Variants in SNRPD3 observed in about 807,000 individuals in gnomAD.
SNRPD3 encodes small nuclear ribonucleoprotein Sm D3.
For missense variants in SNRPD3, 73 were observed against 167.5 expected, an observed-to-expected ratio of 0.44 and a Z score of 3.11; for synonymous variants, 66 against 58.4, an observed-to-expected ratio of 1.13 and a Z score of -0.59.
intron 3 of SNRPD3, among the ~76,000 whole-genome samples, chr22:24,570,763 TATC>T (rs2060077168): frequency 6.6e-6 from 1 of 152,154 alleles, no homozygotes; most frequent in Non-Finnish European, 1.5e-5. Context: ...ACAGCAGTCT[TATC>T]ATGCTATTTA....
rs917624118 is a variant in SNRPD3 at position 24,573,791 on chromosome 22, C to T, written c.*1814C>T. ...AGCTATCCTGGAGGTTGAGGCAGGA[C>T]GACCACATGAGCCCAGGAGATTAAG... On this transcript the variant is annotated 3_prime_UTR_variant, in exon 4 of 4. Transcript: ENST00000215829. 9.2e-5 allele frequency among the ~76,000 whole-genome samples: 14 copies of T among 152,082 alleles called. No individual in the cohort carries two copies. Among genetic ancestry groups the T allele is most frequent in the African/African-American group, 3.1e-4 (13 of 41,396 alleles).
At chr22:24,561,321 G>T (rs2045141285) in intron 2 of SNRPD3, among the ~76,000 whole-genome samples, 1 of 151,812 alleles carries the variant, frequency 6.6e-6, no homozygotes, top group African/African-American at 2.4e-5. Flanking sequence ...TGATCCTGCT[G>T]CCTCAGTCTC....
chr22:24,564,760 G>A (rs141239414), intron 2 of SNRPD3, among the ~76,000 whole-genome samples: 31 of 152,276 alleles, frequency 2.0e-4, no homozygotes, highest in African/African-American at 6.3e-4. Flanking sequence ...GCTGGAGGGA[G>A]TGTGGCTTAG....
chr22:24,567,944 C>A, intron 2 of SNRPD3, 40 bp from the exon 3 acceptor site: 3 of 1,510,858 alleles, frequency 2.0e-6, no homozygotes, highest in South Asian at 1.2e-5. Flanking sequence ...ACCGCTGGTG[C>A]TGTTGACCGT....
intron 2 of SNRPD3, among the ~76,000 whole-genome samples, chr22:24,560,268 C>T (rs1439446521): frequency 6.9e-6 from 1 of 145,052 alleles, no homozygotes; most frequent in Non-Finnish European, 1.5e-5. Context: ...AGGCATCTGC[C>T]ACCATGCCCA....
At position 24,573,207 on chromosome 22, in the gene SNRPD3, A is replaced by C. The variant is rs1486153217; in HGVS notation, c.*1230A>C. Reference sequence around the variant, plus strand: ...CAAAAGAGCAAGACTTTGTCTTTAAAGAAAAATAAGTAGTAGTAAAGAGTA... The same window carrying C: ...CAAAAGAGCAAGACTTTGTCTTTAACGAAAAATAAGTAGTAGTAAAGAGTA... On this transcript the variant is annotated 3_prime_UTR_variant, in exon 4 of 4. Coordinates refer to ENST00000215829, the MANE Select transcript of SNRPD3 (RefSeq NM_004175.5). Among the ~76,000 whole-genome samples, 1 of 152,064 alleles carries C rather than the reference A, an allele frequency of 6.6e-6. No homozygotes were observed. Among genetic ancestry groups the C allele is most frequent in the African/African-American group, 2.4e-5 (1 of 41,394 alleles).
intron 3 of SNRPD3, among the ~76,000 whole-genome samples, chr22:24,569,589 C>A: frequency 6.6e-6 from 1 of 152,162 alleles, no homozygotes; most frequent in East Asian, 1.9e-4. Context: ...ACACTATCTA[C>A]CTGGAGATAG....
rs530413068 is a variant in SNRPD3 at position 24,560,666 on chromosome 22, C to T, written c.126+2866C>T. Among the ~76,000 whole-genome samples the T allele has an allele frequency of 2.8e-3, 414 of 145,472 alleles. 3 individuals carry two copies. The highest frequency in any genetic ancestry group is 0.01 in the African/African-American group (397 of 38,848). ...GCTGGTCTCAAACTCCTGAGTTTGCCTCAGCCTCCCAAGTGCTAGGATTAC... is the reference window on the plus strand; with the variant it reads ...GCTGGTCTCAAACTCCTGAGTTTGCTTCAGCCTCCCAAGTGCTAGGATTAC... On this transcript the variant is annotated intron_variant, in intron 2 of 3. Transcript: ENST00000215829.
chr22:24,563,238 GTGTGTA>G (rs1157279349), intron 2 of SNRPD3, among the ~76,000 whole-genome samples: 14 of 132,342 alleles, frequency 1.1e-4, no homozygotes, highest in African/African-American at 4.2e-4. Flanking sequence ...GTGTGTGTGT[GTGTGTA>G]TGTGTGTATG....
Position 24,574,092 on chromosome 22 carries a change from C to A in SNRPD3, c.*2115C>A, listed in dbSNP as rs2045270037. ...TACTAGTATGTTATTTTAGTATAATCATTACTGAATTCATCATACTTTTAC... is the reference window on the plus strand; with the variant it reads ...TACTAGTATGTTATTTTAGTATAATAATTACTGAATTCATCATACTTTTAC... On this transcript the variant is annotated 3_prime_UTR_variant, in exon 4 of 4. Coordinates refer to ENST00000215829, the MANE Select transcript of SNRPD3 (RefSeq NM_004175.5). Among the ~76,000 whole-genome samples, 1 of 152,196 alleles carries A rather than the reference C, an allele frequency of 6.6e-6. No individual in the cohort carries two copies. Among genetic ancestry groups the A allele is most frequent in the African/African-American group, 2.4e-5 (1 of 41,438 alleles).
At chr22:24,570,202 C>T (rs1377929419) in intron 3 of SNRPD3, among the ~76,000 whole-genome samples, 1 of 152,228 alleles carries the variant, frequency 6.6e-6, no homozygotes, top group East Asian at 1.9e-4. Flanking sequence ...TCTTATGACC[C>T]ACAATCAGAT....
chr22:24,571,857 G>C (rs1211584262), intron 3 of SNRPD3, 59 bp from the exon 4 acceptor site: 4 of 1,587,996 alleles, frequency 2.5e-6, no homozygotes, highest in East Asian at 2.2e-5. Flanking sequence ...TGGCTACTCT[G>C]TGCTATGAGC....
Position 24,573,489 on chromosome 22 carries a change from A to G in SNRPD3, c.*1512A>G, listed in dbSNP as rs903369697. Among the ~76,000 whole-genome samples, 8 of 152,256 alleles carry G rather than the reference A, an allele frequency of 5.3e-5. No homozygotes were observed. The highest frequency in any genetic ancestry group is 1.3e-4 in the Admixed American group (2 of 15,286). On this transcript the variant is annotated 3_prime_UTR_variant, in exon 4 of 4. Coordinates refer to ENST00000215829, the MANE Select transcript of SNRPD3 (RefSeq NM_004175.5). ...TGGCATCAATTAATGAGGTTCTAAT[A>G]AGCTTTGTCTTATGATACTACCTGG...
chr22:24,567,848 G>A (rs1044757726), intron 2 of SNRPD3, 136 bp from the exon 3 acceptor site: 7 of 654,260 alleles, frequency 1.1e-5, no homozygotes, highest in East Asian at 2.7e-5. Context: ...AGTTAGTACC[G>A]ATGATTGCTG....
chr22:24,560,325 T>C (rs372361433), intron 2 of SNRPD3, among the ~76,000 whole-genome samples: 1 of 151,568 alleles, frequency 6.6e-6, no homozygotes, highest in Non-Finnish European at 1.5e-5. Context: ...GGTTTCACCA[T>C]ATTGGCCAGG....
At chr22:24,562,275 C>T (rs1458335759) in intron 2 of SNRPD3, among the ~76,000 whole-genome samples, 1 of 152,220 alleles carries the variant, frequency 6.6e-6, no homozygotes, top group East Asian at 1.9e-4. Flanking sequence ...GGCACTGTGG[C>T]TCACGCCTGT....
At chr22:24,561,187 C>T (rs1381737852) in intron 2 of SNRPD3, among the ~76,000 whole-genome samples, 1 of 149,410 alleles carries the variant, frequency 6.7e-6, no homozygotes, top group African/African-American at 2.5e-5. Context: ...ATCTTTTCAC[C>T]TCAGTCTTCT....
intron 1 of SNRPD3, among the ~76,000 whole-genome samples, chr22:24,557,155 T>A (rs183392449): frequency 4.9e-4 from 74 of 152,350 alleles, no homozygotes; most frequent in East Asian, 1.2e-3. Context: ...TGGGTTTTTT[T>A]ATTTTAATTC....
chr22:24,557,713 C>T lies in SNRPD3; in HGVS notation c.39C>T (p.Ala13=), dbSNP rs566164319. The T allele has an allele frequency of 1.7e-5, 28 of 1,612,414 alleles. No individual in the cohort carries two copies. The highest frequency in any genetic ancestry group is 1.5e-4 in the African/African-American group (11 of 74,918). ...TGCCGATTAAAGTACTGCATGAGGCCGAGGGCCACATTGTGACATGTGAGA... is the reference window on the plus strand; with the variant it reads ...TGCCGATTAAAGTACTGCATGAGGCTGAGGGCCACATTGTGACATGTGAGA... The part of the protein sequence containing the change: ...IGVPIKVLHE[A]EGHIVTCETN... Residue 13 remains alanine (A), a synonymous_variant, in exon 2 of 4, where the codon GCC becomes GCT. Transcript: ENST00000215829.
Sources: gnomAD v4.1 joint callset for allele counts (sites outside exome capture counted in the v4.1 genomes callset) on GRCh38, gnomAD v4.1.1 for gene constraint, MANE v1.5 for transcripts, NCBI Gene and HGNC (gene_info 2026-07-23, HGNC 2026-07-21) for gene names.